Variants in NDUFA5 observed in about 807,000 individuals in gnomAD.
NDUFA5 encodes the protein NADH:ubiquinone oxidoreductase subunit A5.
NDUFA5 carries 11 observed loss-of-function variants against 19.8 expected under a neutral mutation model. The observed-to-expected ratio is 0.56, with a 90% CI of 0.35 to 0.92. NDUFA5 has a LOEUF of 0.92. NDUFA5 is among the 40% of genes least tolerant of loss of function. The pLI is 0.01. For missense variants in NDUFA5, 109 were observed against 134.2 expected (o/e 0.81, Z 0.93); for synonymous variants, 47 against 46.8 (o/e 1.00, Z -0.01).
In NDUFA5 at chr7:123,542,057, TTAATA is replaced by T. The variant is rs1416059660; in HGVS notation, c.*57_*61del. 26 of 1,209,126 alleles carry T rather than the reference TTAATA, an allele frequency of 2.2e-5. No individual in the cohort carries two copies. The highest frequency in any genetic ancestry group is 4.6e-5 in the Admixed American group (2 of 43,704). 74.9% of individuals were successfully genotyped at this position (1,209,126 alleles called of 1,614,324 possible). On this transcript the variant is annotated 3_prime_UTR_variant, in exon 5 of 5. Coordinates refer to ENST00000355749, the MANE Select transcript of NDUFA5 (RefSeq NM_005000.5). ...AAATGTCAGTAATAAGAACACGCTC[TTAATA>T]TAACAGAATATTTAATTACATCAGT...
the NDUFA5 span, among the ~76,000 whole-genome samples, chr7:123,588,048 T>C: frequency 6.6e-6 from 1 of 151,862 alleles, no homozygotes; most frequent in Non-Finnish European, 1.5e-5. Context: ...GCTGGCCTTA[T>C]AAAATGAGTT....
chr7:123,557,801 C>A lies in NDUFA5; in HGVS notation c.-6G>T, dbSNP rs111742519. ...TTCTTCAGCACACCCGCCATGACAG[C>A]GCCAACGACTCGGTGACGCACAACC... On this transcript the variant is annotated 5_prime_UTR_variant, in exon 1 of 5. Transcript: ENST00000355749. 2 of 1,613,974 alleles carry A rather than the reference C, an allele frequency of 1.2e-6. No individual in the cohort carries two copies. The highest frequency in any genetic ancestry group is 2.7e-5 in the African/African-American group (2 of 74,880).
chr7:123,561,416 T>G (rs1009201755), upstream of NDUFA5, among the ~76,000 whole-genome samples: 12 of 152,376 alleles, frequency 7.9e-5, no homozygotes, highest in African/African-American at 2.6e-4. Flanking sequence ...TCAAGTTTTA[T>G]CATGAGATTG....
At chr7:123,584,738 C>G in the NDUFA5 span, 1 of 151,662 alleles carries the variant, frequency 6.6e-6, no homozygotes, top group Admixed American at 6.6e-5. Context: ...ATTCTATTCA[C>G]GAAGAAATAA....
intron 4 of NDUFA5, 40 bp downstream of exon 4, chr7:123,545,571 C>A: frequency 6.6e-7 from 1 of 1,509,412 alleles, no homozygotes; most frequent in South Asian, 1.1e-5. Context: ...TTGTGTGTCT[C>A]TATGAAACCA....
Position 123,550,600 on chromosome 7 carries a change from C to T in NDUFA5, c.67-14G>A. On this transcript the variant is annotated splice_polypyrimidine_tract_variant and intron_variant, in intron 2 of 4. Transcript: ENST00000355749. The stretch of plus-strand genomic sequence containing the variant: ...TATTCTTAGCCTCTGAAAAGACAAA[C>T]CATACAAATTTCCATAGGTTAAAAT... 1 of 1,488,080 alleles carries T rather than the reference C, an allele frequency of 6.7e-7. No individual in the cohort carries two copies. Among genetic ancestry groups the T allele is most frequent in the Non-Finnish European group, 9.3e-7 (1 of 1,075,370 alleles). 92.2% of individuals were successfully genotyped at this position (1,488,080 alleles called of 1,614,324 possible).
At chr7:123,557,631 T>C in intron 1 of NDUFA5, 144 bp downstream of exon 1, 3 of 1,613,618 alleles carry the variant, frequency 1.9e-6, no homozygotes, top group South Asian at 1.1e-5. Context: ...TAACCTGCCC[T>C]ACCCGGTAAG....
the NDUFA5 span, among the ~76,000 whole-genome samples, chr7:123,588,182 T>G: frequency 2.6e-5 from 4 of 151,766 alleles, no homozygotes; most frequent in Admixed American, 2.6e-4. Context: ...TGTAGGGAGA[T>G]TTTTGATTAC....
the NDUFA5 span, among the ~76,000 whole-genome samples, chr7:123,589,912 T>C: frequency 2.0e-5 from 3 of 152,198 alleles, no homozygotes; most frequent in African/African-American, 2.4e-5. Flanking sequence ...TCCACAATTA[T>C]TGAACTAATT....
chr7:123,597,079 G>C, the NDUFA5 span, among the ~76,000 whole-genome samples: 2 of 152,186 alleles, frequency 1.3e-5, no homozygotes, highest in Non-Finnish European at 2.9e-5. Context: ...GGTTTTGCTT[G>C]TTACCCTAGT....
At chr7:123,552,975 T>C (rs1376217217) in intron 2 of NDUFA5, among the ~76,000 whole-genome samples, 1 of 152,244 alleles carries the variant, frequency 6.6e-6, no homozygotes, top group East Asian at 1.9e-4. Flanking sequence ...ATTTTCATAC[T>C]TTCTCTAATA....
chr7:123,565,792 G>GA, the NDUFA5 span, among the ~76,000 whole-genome samples: 2 of 152,196 alleles, frequency 1.3e-5, no homozygotes, highest in East Asian at 3.9e-4. Flanking sequence ...CAAGGCGGGT[G>GA]GATTTCCTGA....
chr7:123,555,956 T>C (rs1356919128), intron 2 of NDUFA5: 4 of 152,204 alleles, frequency 2.6e-5, no homozygotes, highest in South Asian at 2.1e-4. Flanking sequence ...TGACAAGCAT[T>C]GAGAGGCAGT....
the NDUFA5 span, among the ~76,000 whole-genome samples, chr7:123,568,364 T>A: frequency 6.8e-3 from 1,005 of 148,774 alleles, 11 homozygotes; most frequent in African/African-American, 0.024. Context: ...AAAAAAAAAA[T>A]ACAAAATTAG....
the NDUFA5 span, among the ~76,000 whole-genome samples, chr7:123,570,133 C>G: frequency 3.4e-5 from 5 of 147,700 alleles, no homozygotes; most frequent in African/African-American, 1.3e-4. Flanking sequence ...CTCCCGGGTT[C>G]ACACCATTCT....
At chr7:123,599,452 A>C in the NDUFA5 span, among the ~76,000 whole-genome samples, 1 of 152,196 alleles carries the variant, frequency 6.6e-6, no homozygotes, top group African/African-American at 2.4e-5. Context: ...TTGTATGACT[A>C]ATCATAGCAA....
intron 2 of NDUFA5, among the ~76,000 whole-genome samples, chr7:123,552,972 T>C (rs150311992): frequency 3.4e-4 from 52 of 152,360 alleles, no homozygotes; most frequent in African/African-American, 1.2e-3. Context: ...TGTATTTTCA[T>C]ACTTTCTCTA....
chr7:123,577,790 G>T, the NDUFA5 span, among the ~76,000 whole-genome samples: 1 of 152,024 alleles, frequency 6.6e-6, no homozygotes, highest in Admixed American at 6.6e-5. Flanking sequence ...TATCCCCAGG[G>T]TTGCAAGGAC....
chr7:123,574,065 G>A, the NDUFA5 span, among the ~76,000 whole-genome samples: 3 of 152,116 alleles, frequency 2.0e-5, no homozygotes, highest in African/African-American at 4.8e-5. Context: ...AGTGATAGCA[G>A]TCTATTTCCA....
Sources: allele counts gnomAD v4.1 joint callset (sites outside exome capture counted in the v4.1 genomes callset), GRCh38; gene constraint gnomAD v4.1.1; transcripts MANE v1.5; gene names NCBI Gene and HGNC (gene_info 2026-07-23, HGNC 2026-07-21).